SNX29: variants seen among roughly 807,000 people sequenced by gnomAD.
SNX29 encodes sorting nexin-29.
In SNX29, 78 loss-of-function variants were observed where a neutral mutation model predicts 102.1. That is an observed-to-expected ratio of 0.76 (90% CI 0.64 to 0.92). The LOEUF (loss-of-function observed/expected upper bound fraction) is 0.92. Ranked by LOEUF, SNX29 falls within the 40% of genes least tolerant of loss-of-function variation. The probability of loss-of-function intolerance (pLI) is 0.00; values close to 1 mark genes in which losing one functional copy is unlikely to be tolerated. For missense variants in SNX29, 1,280 were observed against 1,061.7 expected, an observed-to-expected ratio of 1.21 and a Z score of -2.86; for synonymous variants, 580 against 414.5, an observed-to-expected ratio of 1.40 and a Z score of -4.85.
intron 18 of SNX29, among the ~76,000 whole-genome samples, chr16:12,472,544 CAAAAAAAAAAAG>C (rs1222877971): frequency 1.7e-5 from 2 of 115,624 alleles, no homozygotes; most frequent in African/African-American, 6.8e-5. Flanking sequence ...AAAAAAAAAA[CAAAAAAAAAAAG>C]AAAAAAACAG....
At chr16:12,195,985 C>CTTTT (rs762409358) in intron 13 of SNX29, among the ~76,000 whole-genome samples, 6 of 117,970 alleles carry the variant, frequency 5.1e-5, no homozygotes, top group African/African-American at 9.5e-5. Flanking sequence ...GTTTCTTTTC[C>CTTTT]TTTTTTTTTT....
chr16:12,193,623 A>C (rs1412817829), intron 13 of SNX29, among the ~76,000 whole-genome samples: 1 of 152,168 alleles, frequency 6.6e-6, no homozygotes, highest in Non-Finnish European at 1.5e-5. Context: ...TAAACCTTTT[A>C]TAGTTTTAAA....
chr16:12,556,284 G>C (rs748280342), intron 20 of SNX29: 1 of 152,166 alleles, frequency 6.6e-6, no homozygotes, highest in Non-Finnish European at 1.5e-5. Flanking sequence ...CCGAGGTCCT[G>C]TGGGGCCAGC....
At chr16:12,286,391 G>A (rs914584889) in intron 15 of SNX29, among the ~76,000 whole-genome samples, 11 of 149,978 alleles carry the variant, frequency 7.3e-5, no homozygotes, top group Non-Finnish European at 1.6e-4. Context: ...TATTGCCCAG[G>A]CTGGAGTGCA....
chr16:12,382,261 G>T (rs866080626), intron 16 of SNX29, among the ~76,000 whole-genome samples: 1 of 152,196 alleles, frequency 6.6e-6, no homozygotes, highest in Admixed American at 6.5e-5. Flanking sequence ...ACTGAGAAAA[G>T]CGAAGGTTAG....
At chr16:12,020,522 A>G (rs1037373572) in intron 3 of SNX29, among the ~76,000 whole-genome samples, 26 of 151,278 alleles carry the variant, frequency 1.7e-4, no homozygotes, top group Admixed American at 4.0e-4. Context: ...TTTTTATCTG[A>G]TTTGTAGATT....
At chr16:12,000,770 C>T (rs773871507) in intron 2 of SNX29, among the ~76,000 whole-genome samples, 3 of 152,156 alleles carry the variant, frequency 2.0e-5, no homozygotes, top group Non-Finnish European at 4.4e-5. Context: ...AGGAAGGTCA[C>T]AGGCTTTTGG....
At chr16:12,556,882 T>TGAGGAGA (rs2078389228) in intron 20 of SNX29, among the ~76,000 whole-genome samples, 1 of 151,970 alleles carries the variant, frequency 6.6e-6, no homozygotes, top group South Asian at 2.1e-4. Flanking sequence ...AGATAGGGTC[T>TGAGGAGA]CCGTCTGTCT....
chr16:12,496,826 T>G, intron 19 of SNX29, among the ~76,000 whole-genome samples: 1 of 152,092 alleles, frequency 6.6e-6, no homozygotes, highest in East Asian at 1.9e-4. Context: ...TTGGAGCAGG[T>G]GATTTTTTTT....
At chr16:12,539,183 C>A (rs934897106) in intron 20 of SNX29, among the ~76,000 whole-genome samples, 1 of 152,202 alleles carries the variant, frequency 6.6e-6, no homozygotes, top group Non-Finnish European at 1.5e-5. Flanking sequence ...AATTTAAACA[C>A]ATGCATAGAT....
At chr16:12,372,505 T>G (rs1005584578) in intron 16 of SNX29, 2 of 152,260 alleles carry the variant, frequency 1.3e-5, no homozygotes, top group African/African-American at 4.8e-5. Flanking sequence ...TTGTCGTCGG[T>G]GGAAGACACA....
intron 14 of SNX29, among the ~76,000 whole-genome samples, chr16:12,218,171 A>C (rs903114410): frequency 7.9e-5 from 12 of 152,358 alleles, no homozygotes; most frequent in African/African-American, 2.4e-4. Context: ...TCATACTTTG[A>C]TTTTTTAAAT....
Position 12,570,926 on chromosome 16 carries a change from A to C in SNX29, c.*2297A>C, listed in dbSNP as rs1200035882. The C allele has an allele frequency of 4.3e-6, 1 of 231,716 alleles. No individual in the cohort carries two copies. Among genetic ancestry groups the C allele is most frequent in the African/African-American group, 2.2e-5 (1 of 45,260 alleles). The allele number at this position is 231,716 out of a possible 1,614,324, so 14.4% of individuals were successfully genotyped here. On this transcript the variant is annotated 3_prime_UTR_variant, in exon 21 of 21. Coordinates refer to ENST00000566228, the MANE Select transcript of SNX29 (RefSeq NM_032167.5). The stretch of plus-strand genomic sequence containing the variant: ...CTGGTCTGCTCTCCAAAATGAGAGC[A>C]TGTTCCTGGGAGCCACATGGGGACC...
chr16:12,115,831 C>G (rs2053676811), intron 11 of SNX29, among the ~76,000 whole-genome samples: 1 of 152,208 alleles, frequency 6.6e-6, no homozygotes, highest in African/African-American at 2.4e-5. Flanking sequence ...TCTCTGCCCA[C>G]TGACGGAGAA....
intron 20 of SNX29, among the ~76,000 whole-genome samples, chr16:12,546,077 C>T (rs1419252958): frequency 2.0e-5 from 3 of 152,100 alleles, no homozygotes; most frequent in Admixed American, 6.5e-5. Context: ...GGTTTGAGTC[C>T]CCAGTCTCTC....
intron 13 of SNX29, among the ~76,000 whole-genome samples, chr16:12,145,712 G>GT (rs1184554688): frequency 9.9e-5 from 15 of 152,270 alleles, no homozygotes; most frequent in African/African-American, 3.6e-4. Flanking sequence ...ACTTTGAAAA[G>GT]TTTTTTATTA....
At chr16:12,561,671 C>T (rs962855458) in intron 20 of SNX29, among the ~76,000 whole-genome samples, 1 of 152,140 alleles carries the variant, frequency 6.6e-6, no homozygotes. Context: ...CTGAGGGTGC[C>T]CTCACACACA....
intron 18 of SNX29, among the ~76,000 whole-genome samples, chr16:12,406,996 G>T (rs2084192047): frequency 6.6e-6 from 1 of 152,240 alleles, no homozygotes; most frequent in Non-Finnish European, 1.5e-5. Flanking sequence ...GATGGCTCCT[G>T]TTCTGGACAG....
Position 12,343,659 on chromosome 16 carries a change from TTGTC to T in SNX29, c.1783-12501_1783-12498del, listed in dbSNP as rs550497047. ...TCTTCCTGCTGTGCCACTGGCCACT[TTGTC>T]TGAGAACCGTTGACCACCTAGATCC... On this transcript the variant is annotated intron_variant, in intron 15 of 20. Coordinates refer to ENST00000566228, the MANE Select transcript of SNX29 (RefSeq NM_032167.5). Among the ~76,000 whole-genome samples, 148 of 152,068 alleles carry T rather than the reference TTGTC, an allele frequency of 9.7e-4. 1 individual carries two copies. The highest frequency in any genetic ancestry group is 3.3e-3 in the African/African-American group (139 of 41,504).
Sources: gnomAD v4.1 joint callset for allele counts (sites outside exome capture counted in the v4.1 genomes callset) on GRCh38, gnomAD v4.1.1 for gene constraint, MANE v1.5 for transcripts, NCBI Gene and HGNC (gene_info 2026-07-23, HGNC 2026-07-21) for gene names.